Variants in ASB18 observed in about 807,000 individuals in gnomAD.
ASB18 encodes ankyrin repeat and SOCS box protein 18.
Under a neutral mutation model 33.4 loss-of-function variants are expected in ASB18, and 33 were observed. The observed-to-expected ratio is 0.99, with a 90% CI of 0.75 to 1.32. The LOEUF is 1.32. Ranked by LOEUF, ASB18 falls within the 40% of genes most tolerant of loss-of-function variation. ASB18 has a pLI of 0.00. For missense variants in ASB18, 694 were observed against 655.5 expected, an observed-to-expected ratio of 1.06 and a Z score of -0.64; for synonymous variants, 295 against 307.6, an observed-to-expected ratio of 0.96 and a Z score of 0.43.
chr2:236,263,334 A>G lies in ASB18; in HGVS notation c.205+807T>C, dbSNP rs1283106996. On this transcript the variant is annotated intron_variant, in intron 1 of 5. Transcript: ENST00000409749. The surrounding 1 kb of genome is among the most constrained non-coding windows in gnomAD (Gnocchi z 4.0). The stretch of plus-strand genomic sequence containing the variant: ...ACCTGATGAGGCCTACAAAGAAAAA[A>G]TCCTATGGACAAGACTTTGTCCAGA... Among the ~76,000 whole-genome samples, 1 of 152,236 alleles carries G rather than the reference A, an allele frequency of 6.6e-6. No individual in the cohort carries two copies. The highest frequency in any genetic ancestry group is 1.5e-5 in the Non-Finnish European group (1 of 68,042).
Position 236,237,210 on chromosome 2 carries a change from A to G in ASB18, c.596+479T>C, listed in dbSNP as rs1403222134. Among the ~76,000 whole-genome samples the G allele has an allele frequency of 1.3e-5, 2 of 152,020 alleles. No homozygotes were observed. The highest frequency in any genetic ancestry group is 1.5e-5 in the Non-Finnish European group (1 of 67,954). On this transcript the variant is annotated intron_variant, in intron 3 of 5. Coordinates refer to ENST00000409749, the MANE Select transcript of ASB18 (RefSeq NM_212556.4). This position sits in a 1 kb window ranked among gnomAD's most constrained non-coding sequence, Gnocchi z 6.2. The stretch of plus-strand genomic sequence containing the variant: ...TTATCATTAAAAACCCTAATTTTTC[A>G]GCCTCCAACCCCGCCAGTGGCCTTT...
At position 236,214,255 on chromosome 2, in the gene ASB18, C is replaced by T; in HGVS notation, c.1101+107G>A. The T allele has an allele frequency of 8.4e-7, 1 of 1,184,460 alleles. No homozygotes were observed. The highest frequency in any genetic ancestry group is 1.5e-5 in the South Asian group (1 of 65,358). 73.4% of individuals were successfully genotyped at this position (1,184,460 alleles called of 1,614,324 possible). A position where few individuals can be genotyped will look rare whatever the true frequency, so the allele number is the denominator to read the frequency against. Reference sequence around the variant, plus strand: ...GCATTTTCACAAGTCCCCAGGGGTGCCTGGGCCATTACACTTTGAGAGCGC... The same window carrying T: ...GCATTTTCACAAGTCCCCAGGGGTGTCTGGGCCATTACACTTTGAGAGCGC... On this transcript the variant is annotated intron_variant, in intron 4 of 5. Coordinates refer to ENST00000409749, the MANE Select transcript of ASB18 (RefSeq NM_212556.4). The surrounding 1 kb of genome is among the most constrained non-coding windows in gnomAD (Gnocchi z 6.5).
At position 236,259,007 on chromosome 2, in the gene ASB18, A is replaced by C. The variant is rs1472510651; in HGVS notation, c.205+5134T>G. Among the ~76,000 whole-genome samples, 2 of 152,198 alleles carry C rather than the reference A, an allele frequency of 1.3e-5. No individual in the cohort carries two copies. Among genetic ancestry groups the C allele is most frequent in the East Asian group, 3.8e-4 (2 of 5,200 alleles). On this transcript the variant is annotated intron_variant, in intron 1 of 5. Transcript: ENST00000409749. This position sits in a 1 kb window ranked among gnomAD's most constrained non-coding sequence, Gnocchi z 4.4. ...GTTTCTTAAGTCGTTTGATTACACC[A>C]GTTACCAAATTGTACAGTTGATGCA...
chr2:236,246,863 G>C (rs1485182698), intron 1 of ASB18, among the ~76,000 whole-genome samples: 3 of 152,118 alleles, frequency 2.0e-5, no homozygotes, highest in Admixed American at 2.0e-4. Context: ...TTTGTGATTG[G>C]ATAAATTTCT....
rs1420890474 is a variant in ASB18 at position 236,264,126 on chromosome 2, G to A, written c.205+15C>T. 3.7e-6 allele frequency: 6 copies of A among 1,611,762 alleles called. No individual in the cohort carries two copies. In the African/African-American group the frequency reaches 5.3e-5, roughly 14 times the overall value. ...AGTAATTAAATCCCAGATGCAGCAG[G>A]CTCGTTCTGGTTACCTAGCAGCATG... On this transcript the variant is annotated intron_variant, in intron 1 of 5. Coordinates refer to ENST00000409749, the MANE Select transcript of ASB18 (RefSeq NM_212556.4). This position sits in a 1 kb window ranked among gnomAD's most constrained non-coding sequence, Gnocchi z 5.1.
Position 236,193,918 on chromosome 2 carries a change from G to C in ASB18, c.*954C>G, listed in dbSNP as rs1291414750. On this transcript the variant is annotated 3_prime_UTR_variant, in exon 6 of 6. Coordinates refer to ENST00000409749, the MANE Select transcript of ASB18 (RefSeq NM_212556.4). This position sits in a 1 kb window ranked among gnomAD's most constrained non-coding sequence, Gnocchi z 5.0. Reference sequence around the variant, plus strand: ...GAGCTGTCGTGTCTGAATTGTCCCAGTGTTGTGTGTGGGTGGGTGGGTGTG... The same window carrying C: ...GAGCTGTCGTGTCTGAATTGTCCCACTGTTGTGTGTGGGTGGGTGGGTGTG... Among the ~76,000 whole-genome samples the C allele has an allele frequency of 6.6e-6, 1 of 152,050 alleles. No individual in the cohort carries two copies. The highest frequency in any genetic ancestry group is 2.4e-5 in the African/African-American group (1 of 41,422).
Position 236,204,564 on chromosome 2 carries a change from C to T in ASB18, c.1102-8179G>A, listed in dbSNP as rs1271439553. Among the ~76,000 whole-genome samples, 1 of 152,210 alleles carries T rather than the reference C, an allele frequency of 6.6e-6. No homozygotes were observed. The highest frequency in any genetic ancestry group is 1.5e-5 in the Non-Finnish European group (1 of 68,046). On this transcript the variant is annotated intron_variant, in intron 4 of 5. Coordinates refer to ENST00000409749, the MANE Select transcript of ASB18 (RefSeq NM_212556.4). This position sits in a 1 kb window ranked among gnomAD's most constrained non-coding sequence, Gnocchi z 5.1. ...GTATATCTCCAGGTTGGCCAAATCT[C>T]TCCCTCTCAAACTTTGGGCTTCGAT...
In ASB18 at chr2:236,262,023, G is replaced by A. The variant is rs1382942796; in HGVS notation, c.205+2118C>T. ...CTATAATTCAAGATGAGATTTGGGT[G>A]GGGACACAGCCAAACCATATCAGTA... On this transcript the variant is annotated intron_variant, in intron 1 of 5. Coordinates refer to ENST00000409749, the MANE Select transcript of ASB18 (RefSeq NM_212556.4). This position sits in a 1 kb window ranked among gnomAD's most constrained non-coding sequence, Gnocchi z 5.2. Among the ~76,000 whole-genome samples the A allele has an allele frequency of 6.6e-6, 1 of 152,176 alleles. No homozygotes were observed.
At chr2:236,227,495 A>G (rs548941657) in intron 3 of ASB18, among the ~76,000 whole-genome samples, 16 of 152,354 alleles carry the variant, frequency 1.1e-4, no homozygotes, top group African/African-American at 3.8e-4. Context: ...AGGCTCAATT[A>G]TCAACCCTAT....
At position 236,249,359 on chromosome 2, in the gene ASB18, A is replaced by T. The variant is rs2060659090; in HGVS notation, c.206-7957T>A. The T allele has an allele frequency of 6.6e-6, 1 of 152,142 alleles. No individual in the cohort carries two copies. Among genetic ancestry groups the T allele is most frequent in the Admixed American group, 6.5e-5 (1 of 15,280 alleles). The allele number at this position is 152,142 out of a possible 1,614,324, so 9.4% of individuals were successfully genotyped here. A position where few individuals can be genotyped will look rare whatever the true frequency, so the allele number is the denominator to read the frequency against. On this transcript the variant is annotated intron_variant, in intron 1 of 5. Transcript: ENST00000409749. This position sits in a 1 kb window ranked among gnomAD's most constrained non-coding sequence, Gnocchi z 4.6. The stretch of plus-strand genomic sequence containing the variant: ...TTCAAGCTAGCCCACTAACAGCATC[A>T]CTTAGTGTATCTGGCAATCACACTG...
rs1217491647 is a variant in ASB18, at chr2:236,248,456, G to A, written c.206-7054C>T. 1 of 152,234 alleles carries A rather than the reference G, an allele frequency of 6.6e-6. No homozygotes were observed. Among genetic ancestry groups the A allele is most frequent in the Non-Finnish European group, 1.5e-5 (1 of 68,128 alleles). 9.4% of individuals were successfully genotyped at this position (152,234 alleles called of 1,614,324 possible). A position where few individuals can be genotyped will look rare whatever the true frequency, so the allele number is the denominator to read the frequency against. ...AAAAATACAAAAATTAGCTGGGCAA[G>A]GTGGCGCACGCCTGTAGTCCCAGCT... On this transcript the variant is annotated intron_variant, in intron 1 of 5. Coordinates refer to ENST00000409749, the MANE Select transcript of ASB18 (RefSeq NM_212556.4). The surrounding 1 kb of genome is among the most constrained non-coding windows in gnomAD (Gnocchi z 4.9).
rs1236874557 is a variant in ASB18 at position 236,221,716 on chromosome 2, C to G, written c.597-6850G>C. The stretch of plus-strand genomic sequence containing the variant: ...ATCTGTCTCCTTAAGTCACCGGAGT[C>G]CTTGGGCAATCCTGAGCTCCCTCTC... On this transcript the variant is annotated intron_variant, in intron 3 of 5. Transcript: ENST00000409749. This position sits in a 1 kb window ranked among gnomAD's most constrained non-coding sequence, Gnocchi z 5.6. 6.6e-6 allele frequency among the ~76,000 whole-genome samples: 1 copy of G among 152,130 alleles called. No individual in the cohort carries two copies. The highest frequency in any genetic ancestry group is 1.5e-5 in the Non-Finnish European group (1 of 68,026).
At chr2:236,230,854 G>T (rs2106275736) in intron 3 of ASB18, among the ~76,000 whole-genome samples, 1 of 151,942 alleles carries the variant, frequency 6.6e-6, no homozygotes, top group South Asian at 2.1e-4. Flanking sequence ...CATTTGTTTT[G>T]AACCTAACCA....
rs141158613 is a variant in ASB18, at chr2:236,221,604, C to T, written c.597-6738G>A. ...CTTCCACCTCCCCAGCCACATGGAA[C>T]AGTAAGTCCAATAAACCTCTTTCTT... is the stretch of plus-strand genomic sequence containing the variant. On this transcript the variant is annotated intron_variant, in intron 3 of 5. Coordinates refer to ENST00000409749, the MANE Select transcript of ASB18 (RefSeq NM_212556.4). This position sits in a 1 kb window ranked among gnomAD's most constrained non-coding sequence, Gnocchi z 5.6. 3.3e-5 allele frequency among the ~76,000 whole-genome samples: 5 copies of T among 152,290 alleles called. No individual in the cohort carries two copies. Among genetic ancestry groups the T allele is most frequent in the Non-Finnish European group, 7.4e-5 (5 of 68,024 alleles).
At chr2:236,212,509 T>TC (rs1010154384) in intron 4 of ASB18, among the ~76,000 whole-genome samples, 35 of 152,248 alleles carry the variant, frequency 2.3e-4, no homozygotes, top group Admixed American at 1.0e-3. Context: ...ATATATTGAC[T>TC]CCTTTTTTTT....
In ASB18 at chr2:236,237,096, C is replaced by T. The variant is rs527851105; in HGVS notation, c.596+593G>A. On this transcript the variant is annotated intron_variant, in intron 3 of 5. Coordinates refer to ENST00000409749, the MANE Select transcript of ASB18 (RefSeq NM_212556.4). This position sits in a 1 kb window ranked among gnomAD's most constrained non-coding sequence, Gnocchi z 6.2. Reference sequence around the variant, plus strand: ...GCGGCCGCTGGGCCTCCCTAGAGGCCGGCACAGCTCCGCTTCCGAGCGGGC... The same window carrying T: ...GCGGCCGCTGGGCCTCCCTAGAGGCTGGCACAGCTCCGCTTCCGAGCGGGC... Among the ~76,000 whole-genome samples, 4 of 152,138 alleles carry T rather than the reference C, an allele frequency of 2.6e-5. No individual in the cohort carries two copies. The highest frequency in any genetic ancestry group is 9.6e-5 in the African/African-American group (4 of 41,528).
rs1000179076 is a variant in ASB18 at position 236,251,138 on chromosome 2, T to A, written c.206-9736A>T. Among the ~76,000 whole-genome samples, 3 of 152,252 alleles carry A rather than the reference T, an allele frequency of 2.0e-5. No homozygotes were observed. Among genetic ancestry groups the A allele is most frequent in the Non-Finnish European group, 4.4e-5 (3 of 68,044 alleles). On this transcript the variant is annotated intron_variant, in intron 1 of 5. Coordinates refer to ENST00000409749, the MANE Select transcript of ASB18 (RefSeq NM_212556.4). This position sits in a 1 kb window ranked among gnomAD's most constrained non-coding sequence, Gnocchi z 5.3. ...CAGTCACTTCTCATTATTAATGTGATCTTATCCAAAGGTCAAGTGCCGCTT... is the reference window on the plus strand; with the variant it reads ...CAGTCACTTCTCATTATTAATGTGAACTTATCCAAAGGTCAAGTGCCGCTT...
intron 1 of ASB18, chr2:236,247,716 G>A (rs762773698): frequency 2.6e-5 from 4 of 152,178 alleles, no homozygotes; most frequent in Non-Finnish European, 5.9e-5. Flanking sequence ...ACTTTAGTAC[G>A]TATCCAATGC....
At chr2:236,236,192 C>T (rs1263275354) in intron 3 of ASB18, among the ~76,000 whole-genome samples, 2 of 152,094 alleles carry the variant, frequency 1.3e-5, no homozygotes, top group African/African-American at 2.4e-5. Flanking sequence ...TACCACGGAC[C>T]GCTACCCAGG....
Sources: gnomAD v4.1 joint callset for allele counts (sites outside exome capture counted in the v4.1 genomes callset) on GRCh38, gnomAD v4.1.1 for gene constraint, Gnocchi (gnomAD v3.1) non-coding constraint, MANE v1.5 for transcripts, NCBI Gene and HGNC (gene_info 2026-07-23, HGNC 2026-07-21) for gene names.